Variants in FGF1 observed in about 807,000 individuals in gnomAD.
FGF1 encodes beta-endothelial cell growth factor.
FGF1 carries 9 observed loss-of-function variants against 13.4 expected under a neutral mutation model. That is an observed-to-expected ratio of 0.67 (90% CI 0.40 to 1.17). FGF1 has a LOEUF of 1.17. Among genes scored for constraint, FGF1 ranks in the 50% most tolerant of loss-of-function variants. FGF1 has a pLI of 0.01. For synonymous variants in FGF1, 93 were observed against 79.0 expected (o/e 1.18, Z -0.94); for missense variants, 156 against 192.7 (o/e 0.81, Z 1.13).
intron 1 of FGF1, chr5:142,627,266 A>G (rs1762608577): frequency 6.6e-6 from 1 of 152,142 alleles, no homozygotes; most frequent in African/African-American, 2.4e-5. Context: ...TATGGGCTAG[A>G]TGAACACCTC....
chr5:142,596,123 T>A (rs924513947), intron 3 of FGF1, among the ~76,000 whole-genome samples: 1 of 152,248 alleles, frequency 6.6e-6, no homozygotes, highest in Non-Finnish European at 1.5e-5. Context: ...GTAGATTTTT[T>A]AAAATGAAAA....
At chr5:142,606,440 C>A (rs1414505606) in intron 2 of FGF1, among the ~76,000 whole-genome samples, 2 of 151,038 alleles carry the variant, frequency 1.3e-5, no homozygotes, top group Non-Finnish European at 2.9e-5. Context: ...CAGGGTGAAA[C>A]CCCGTCTCTA....
intron 1 of FGF1, among the ~76,000 whole-genome samples, chr5:142,643,266 A>C (rs1249106869): frequency 1.3e-5 from 2 of 151,822 alleles, no homozygotes; most frequent in Non-Finnish European, 2.9e-5. Context: ...CAGTATCACC[A>C]TATATGCATC....
chr5:142,623,437 C>T (rs983306116), intron 1 of FGF1, among the ~76,000 whole-genome samples: 5 of 151,976 alleles, frequency 3.3e-5, no homozygotes, highest in South Asian at 2.1e-4. Flanking sequence ...CTCCACCTCC[C>T]GGGTTCAAGT....
chr5:142,654,316 T>C (rs1767778933), intron 1 of FGF1, among the ~76,000 whole-genome samples: 2 of 152,224 alleles, frequency 1.3e-5, no homozygotes. Context: ...ATTTGGGGAC[T>C]TTTGATGCAG....
At position 142,595,406 on chromosome 5, in the gene FGF1, C is replaced by G. The variant is rs369740938; in HGVS notation, c.352G>C (p.Ala118Pro). ...HYNTYISKKH[A>P]EKNWFVGLKK... ...AGGCCAACAAACCAATTCTTCTCTG[C>G]ATGCTTCTTGGATATATAGGTGTTG... The change falls in exon 4 of 4, where the codon GCA becomes CCA. Residue 118 changes from alanine (A) to proline (P), a missense_variant. Physicochemically the swap from Ala to Pro is conservative, Grantham distance 27 (BLOSUM62 -1). Transcript: ENST00000337706. 2.7e-5 allele frequency: 44 copies of G among 1,613,934 alleles called. No individual in the cohort carries two copies. Among genetic ancestry groups the G allele is most frequent in the Non-Finnish European group, 3.6e-5 (43 of 1,179,938 alleles).
intron 1 of FGF1, among the ~76,000 whole-genome samples, chr5:142,669,075 C>CG (rs1197210111): frequency 1.3e-5 from 2 of 152,188 alleles, no homozygotes; most frequent in Admixed American, 6.5e-5. Context: ...TGCCGCTGAG[C>CG]GGGGGGTTTT....
chr5:142,640,773 C>T (rs1184084047), intron 1 of FGF1, among the ~76,000 whole-genome samples: 1 of 151,972 alleles, frequency 6.6e-6, no homozygotes, highest in East Asian at 1.9e-4. Context: ...CCTGTGACAT[C>T]CTGTGCATAT....
In FGF1 at chr5:142,600,756, A is replaced by G; in HGVS notation, c.219T>C (p.Ser73=). ...AESVGEVYIK[S]TETGQYLAMD... The stretch of plus-strand genomic sequence containing the variant: ...TGGCCAAGTACTGGCCAGTCTCGGT[A>G]CTCTTTATATACACCTCCCCCACGC... Residue 73 remains serine, a synonymous_variant, in exon 3 of 4, where the codon AGT becomes AGC. Coordinates refer to ENST00000337706, the MANE Select transcript of FGF1 (RefSeq NM_000800.5). The G allele has an allele frequency of 6.2e-7, 1 of 1,613,896 alleles. No individual in the cohort carries two copies. The highest frequency in any genetic ancestry group is 8.5e-7 in the Non-Finnish European group (1 of 1,179,854).
At chr5:142,598,789 T>C (rs1755834237) in intron 3 of FGF1, among the ~76,000 whole-genome samples, 1 of 152,204 alleles carries the variant, frequency 6.6e-6, no homozygotes, top group South Asian at 2.1e-4. Flanking sequence ...AGGTGAATTG[T>C]AGTGATGGCC....
intron 2 of FGF1, among the ~76,000 whole-genome samples, chr5:142,612,264 T>C (rs1385962947): frequency 6.6e-6 from 1 of 152,224 alleles, no homozygotes; most frequent in East Asian, 1.9e-4. Context: ...GTTGTGCTAA[T>C]GATGGAATGG....
chr5:142,598,938 C>A (rs1240873941), intron 3 of FGF1, among the ~76,000 whole-genome samples: 3 of 152,208 alleles, frequency 2.0e-5, no homozygotes, highest in African/African-American at 7.2e-5. Context: ...AGCCATAAAA[C>A]TGTGGCATAA....
intron 1 of FGF1, among the ~76,000 whole-genome samples, chr5:142,644,742 G>A (rs958480783): frequency 1.3e-5 from 2 of 152,196 alleles, no homozygotes; most frequent in African/African-American, 4.8e-5. Context: ...CAGACTGTTA[G>A]CTCCCTGAGG....
intron 2 of FGF1, among the ~76,000 whole-genome samples, chr5:142,613,668 A>C (rs1337770481): frequency 6.6e-6 from 1 of 152,226 alleles, no homozygotes; most frequent in Non-Finnish European, 1.5e-5. Flanking sequence ...TAGTTACAGA[A>C]ACCTGGGAAA....
At chr5:142,694,049 A>G (rs915120592) in intron 2 of FGF1, among the ~76,000 whole-genome samples, 7 of 151,066 alleles carry the variant, frequency 4.6e-5, no homozygotes, top group African/African-American at 1.7e-4. Flanking sequence ...TCTCTTAAAG[A>G]TTTACCCGAA....
intron 2 of FGF1, among the ~76,000 whole-genome samples, chr5:142,695,581 C>CAAAA (rs1202362613): frequency 0.023 from 2,664 of 116,906 alleles, 37 homozygotes; most frequent in Non-Finnish European, 0.03. Flanking sequence ...GACTCTGTAT[C>CAAAA]AAAAAGAAAA....
At chr5:142,607,395 C>T (rs1757920852) in intron 2 of FGF1, among the ~76,000 whole-genome samples, 1 of 152,176 alleles carries the variant, frequency 6.6e-6, no homozygotes, top group Non-Finnish European at 1.5e-5. Flanking sequence ...GTCAGTGTCT[C>T]TCAAGTATCC....
chr5:142,665,976 A>T lies in FGF1; in HGVS notation c.-35+19981T>A, dbSNP rs181905289. Reference sequence around the variant, plus strand: ...GGCAAACCCTTCTTTTTTCAAGGTGAGACCCCCTGCTCCTACAGCCTGCCT... The same window carrying T: ...GGCAAACCCTTCTTTTTTCAAGGTGTGACCCCCTGCTCCTACAGCCTGCCT... On this transcript the variant is annotated intron_variant, in intron 1 of 3. Coordinates refer to ENST00000337706, the MANE Select transcript of FGF1 (RefSeq NM_000800.5). Among the ~76,000 whole-genome samples, 395 of 152,092 alleles carry T rather than the reference A, an allele frequency of 2.6e-3. 2 individuals carry two copies. Among genetic ancestry groups the T allele is most frequent in the Non-Finnish European group, 1.8e-3 (124 of 67,956 alleles).
chr5:142,694,859 C>T (rs1461040706), intron 2 of FGF1, among the ~76,000 whole-genome samples: 1 of 112,310 alleles, frequency 8.9e-6, no homozygotes, highest in Admixed American at 8.2e-5. Context: ...AGGGGAGTGA[C>T]CCCTCACCCC....
Sources: gnomAD v4.1 joint callset for allele counts (sites outside exome capture counted in the v4.1 genomes callset) on GRCh38, gnomAD v4.1.1 for gene constraint, MANE v1.5 for transcripts, NCBI Gene and HGNC (gene_info 2026-07-23, HGNC 2026-07-21) for gene names.